The following RHBG variants were observed in gnomAD, a reference collection of about 807,000 sequenced individuals.
The protein encoded by RHBG is Rh family B glycoprotein.
In RHBG, 39 loss-of-function variants were observed where a neutral mutation model predicts 40.1. The observed-to-expected ratio is 0.97, with a 90% CI of 0.75 to 1.27. The LOEUF (loss-of-function observed/expected upper bound fraction) is 1.27, where lower values mean the gene tolerates loss of function less well. Among genes scored for constraint, RHBG ranks in the 50% most tolerant of loss-of-function variants. The pLI is 0.00. For synonymous variants in RHBG, 237 were observed against 252.5 expected (o/e 0.94, Z 0.58); for missense variants, 549 against 588.1 (o/e 0.93, Z 0.69).
intron 1 of RHBG, among the ~76,000 whole-genome samples, chr1:156,376,397 T>C (rs1475698830): frequency 6.7e-6 from 1 of 149,396 alleles, no homozygotes; most frequent in African/African-American, 2.5e-5. Flanking sequence ...AGACTCTTGC[T>C]CTGTCACCCA....
At position 156,377,900 on chromosome 1, in the gene RHBG, C is replaced by CAAAA; in HGVS notation, c.375-89_375-88insAAAA. ...AACTCCAACCCCACCCCACCCACCA[C>CAAAA]ATCATGCTGTCCTGGCTTCATGCCA... On this transcript the variant is annotated intron_variant, in intron 2 of 9. Coordinates refer to ENST00000537040, the MANE Select transcript of RHBG (RefSeq NM_020407.5). The surrounding 1 kb of genome is among the most constrained non-coding windows in gnomAD (Gnocchi z 4.6). 34 of 1,277,052 alleles carry CAAAA rather than the reference C, an allele frequency of 2.7e-5. No individual in the cohort carries two copies. The highest frequency in any genetic ancestry group is 3.1e-5 in the Non-Finnish European group (29 of 928,188). 79.1% of individuals were successfully genotyped at this position (1,277,052 alleles called of 1,614,324 possible). A position where few individuals can be genotyped will look rare whatever the true frequency, so the allele number is the denominator to read the frequency against.
chr1:156,382,013 G>T, intron 6 of RHBG, 55 bp from the exon 7 acceptor site: 1 of 1,609,070 alleles, frequency 6.2e-7, no homozygotes, highest in Non-Finnish European at 8.5e-7. Flanking sequence ...CTCTCCAACA[G>T]GATGAGGTGG....
chr1:156,381,650 TG>T, intron 5 of RHBG, 137 bp downstream of exon 5: 1 of 1,381,166 alleles, frequency 7.2e-7, no homozygotes. Context: ...CTGGTGGCTA[TG>T]GGATCAGAAT....
At chr1:156,378,492 G>A in intron 4 of RHBG, 93 bp downstream of exon 4, 1 of 1,447,342 alleles carries the variant, frequency 6.9e-7, no homozygotes, top group Non-Finnish European at 9.3e-7. Flanking sequence ...GCTGACTGCA[G>A]TCCTGGGGTT....
At position 156,385,214 on chromosome 1, in the gene RHBG, C is replaced by T. The variant is rs1191907582; in HGVS notation, c.*369C>T. Reference sequence around the variant, plus strand: ...GGTTGAGGGTGATAAACGCCACTGTCTCTAAGGGTTCTGACTCTTTGTCTT... The same window carrying T: ...GGTTGAGGGTGATAAACGCCACTGTTTCTAAGGGTTCTGACTCTTTGTCTT... On this transcript the variant is annotated 3_prime_UTR_variant, in exon 10 of 10. Coordinates refer to ENST00000537040, the MANE Select transcript of RHBG (RefSeq NM_020407.5). 2 of 198,558 alleles carry T rather than the reference C, an allele frequency of 1.0e-5. No homozygotes were observed. The highest frequency in any genetic ancestry group is 2.1e-5 in the Non-Finnish European group (2 of 96,632). 12.3% of individuals were successfully genotyped at this position (198,558 alleles called of 1,614,324 possible). A position where few individuals can be genotyped will look rare whatever the true frequency, so the allele number is the denominator to read the frequency against.
chr1:156,378,482 G>A, intron 4 of RHBG, 83 bp downstream of exon 4: 2 of 1,476,608 alleles, frequency 1.4e-6, no homozygotes, highest in East Asian at 2.3e-5. Flanking sequence ...CTCTCGGGGT[G>A]CTGACTGCAG....
In RHBG at chr1:156,382,829, T is replaced by A. The variant is rs1667758640; in HGVS notation, c.1194T>A (p.Phe398Leu). ...SQAMHQLFGLFVTLMFASVGG... is the reference protein window; with the variant it reads ...SQAMHQLFGLLVTLMFASVGG... ...CCATGCACCAGCTCTTCGGGCTGTTTGTCACACTGATGTTTGCCTCTGTGG... is the reference window on the plus strand; with the variant it reads ...CCATGCACCAGCTCTTCGGGCTGTTAGTCACACTGATGTTTGCCTCTGTGG... The change falls in exon 8 of 10, where the codon TTT (phenylalanine) becomes TTA (leucine). Residue 398 changes from phenylalanine (F) to leucine (L), a missense_variant. Phe to Leu is a conservative substitution (Grantham distance 22). Transcript: ENST00000537040. 6.2e-7 allele frequency: 1 copy of A among 1,614,132 alleles called. No individual in the cohort carries two copies. Among genetic ancestry groups the A allele is most frequent in the African/African-American group, 1.3e-5 (1 of 74,952 alleles).
rs963186250 is a variant in RHBG, at chr1:156,382,969, C to T, written c.1234+100C>T. Reference sequence around the variant, plus strand: ...ATATTTATGGAGCATCTACTTTGTGCCATAAAGTAGGGATTGGGTTGTGGG... The same window carrying T: ...ATATTTATGGAGCATCTACTTTGTGTCATAAAGTAGGGATTGGGTTGTGGG... On this transcript the variant is annotated intron_variant, in intron 8 of 9. Coordinates refer to ENST00000537040, the MANE Select transcript of RHBG (RefSeq NM_020407.5). The T allele has an allele frequency of 1.6e-5, 24 of 1,527,916 alleles. No individual in the cohort carries two copies. In the Admixed American group the frequency reaches 1.7e-4, roughly 11 times the overall value. The allele number at this position is 1,527,916 out of a possible 1,614,324, so 94.6% of individuals were successfully genotyped here.
At chr1:156,372,251 G>A (rs1420727927) in intron 1 of RHBG, among the ~76,000 whole-genome samples, 1 of 152,222 alleles carries the variant, frequency 6.6e-6, no homozygotes, top group Non-Finnish European at 1.5e-5. Context: ...GAGTGAGTCA[G>A]AGAGGTCATG....
At chr1:156,372,054 G>T (rs536584613) in intron 1 of RHBG, among the ~76,000 whole-genome samples, 6 of 152,338 alleles carry the variant, frequency 3.9e-5, no homozygotes, top group Non-Finnish European at 7.4e-5. Flanking sequence ...TGTGCCCAAG[G>T]GAAGGGGTCA....
At chr1:156,382,435 AAGGG>A in intron 7 of RHBG, 1 of 637,730 alleles carries the variant, frequency 1.6e-6, no homozygotes, top group Non-Finnish European at 2.7e-6. Flanking sequence ...CTTGTTACTG[AAGGG>A]TCAGTAAGAG....
chr1:156,378,426 G>A, intron 4 of RHBG, 27 bp downstream of exon 4: 2 of 1,566,234 alleles, frequency 1.3e-6, no homozygotes, highest in Non-Finnish European at 1.7e-6. Context: ...GCGGTAGCAG[G>A]GCAGGGGGCT....
intron 7 of RHBG, chr1:156,382,462 A>G: frequency 1.6e-6 from 1 of 627,844 alleles, no homozygotes; most frequent in Non-Finnish European, 2.8e-6. Context: ...AATGACCTTT[A>G]GGATCTATTT....
chr1:156,380,112 CTT>C (rs67037881), intron 4 of RHBG, among the ~76,000 whole-genome samples: 9 of 130,078 alleles, frequency 6.9e-5, no homozygotes, highest in East Asian at 2.2e-4. Context: ...CTTTCTTTTT[CTT>C]TTTTTTTTTT....
At chr1:156,372,131 T>C (rs372666751) in intron 1 of RHBG, among the ~76,000 whole-genome samples, 53 of 152,318 alleles carry the variant, frequency 3.5e-4, no homozygotes, top group African/African-American at 1.2e-3. Flanking sequence ...GTGACTGTTG[T>C]TGAGCTCCAG....
Position 156,384,860 on chromosome 1 carries a change from C to T in RHBG, c.*15C>T, listed in dbSNP as rs1210721864. 1 of 1,550,928 alleles carries T rather than the reference C, an allele frequency of 6.4e-7. No individual in the cohort carries two copies. The highest frequency in any genetic ancestry group is 2.3e-5 in the East Asian group (1 of 44,170). ...CTCAGGCCTAACCCACTGCCAGCCC[C>T]TGAGAGGACACGCTCCTTTTCGAAG... On this transcript the variant is annotated 3_prime_UTR_variant, in exon 10 of 10. Transcript: ENST00000537040.
Position 156,369,356 on chromosome 1 carries a change from A to G in RHBG, c.107A>G (p.Tyr36Cys), listed in dbSNP as rs202003473. The G allele has an allele frequency of 7.9e-4, 1,280 of 1,614,090 alleles. 2 individuals are homozygous for G. The highest frequency in any genetic ancestry group is 2.0e-3 in the Middle Eastern group (12 of 6,084). Residue 36 changes from tyrosine (Y) to cysteine (C), a missense_variant, in exon 1 of 10, where the codon TAC becomes TGC. Tyr to Cys is a radical substitution (Grantham distance 194, BLOSUM62 -2). Transcript: ENST00000537040. ...GTCCTCTTTGCTGTCTTTGTCCGCT[A>G]CAACCACAAAACCGACGCTGCCCTC... ...TAVLFAVFVR[Y>C]NHKTDAALWH...
At position 156,377,058 on chromosome 1, in the gene RHBG, G is replaced by T. The variant is rs1667251606; in HGVS notation, c.188-243G>T. On this transcript the variant is annotated intron_variant, in intron 1 of 9. Transcript: ENST00000537040. This position sits in a 1 kb window ranked among gnomAD's most constrained non-coding sequence, Gnocchi z 4.6. ...ATGGGGCAAATGAATAGAGCAGAAG[G>T]CTTTACTCCCTTGCTCTGACACGAG... Among the ~76,000 whole-genome samples the T allele has an allele frequency of 6.6e-6, 1 of 152,194 alleles. No individual in the cohort carries two copies. The highest frequency in any genetic ancestry group is 1.5e-5 in the Non-Finnish European group (1 of 68,020).
In RHBG at chr1:156,377,551, C is replaced by G. The variant is rs530952982; in HGVS notation, c.374+64C>G. 6.6e-7 allele frequency: 1 copy of G among 1,515,408 alleles called. No homozygotes were observed. The highest frequency in any genetic ancestry group is 9.0e-7 in the Non-Finnish European group (1 of 1,112,138). 93.9% of individuals were successfully genotyped at this position (1,515,408 alleles called of 1,614,324 possible). A position where few individuals can be genotyped will look rare whatever the true frequency, so the allele number is the denominator to read the frequency against. Reference sequence around the variant, plus strand: ...TCGGGAGGCCCCTGCCCATGGGCCCCGGATCTAGCCCTGTCCTTCAAGTCT... The same window carrying G: ...TCGGGAGGCCCCTGCCCATGGGCCCGGGATCTAGCCCTGTCCTTCAAGTCT... On this transcript the variant is annotated intron_variant, in intron 2 of 9. Transcript: ENST00000537040. The surrounding 1 kb of genome is among the most constrained non-coding windows in gnomAD (Gnocchi z 4.6).
Sources: gnomAD v4.1 joint callset for allele counts (sites outside exome capture counted in the v4.1 genomes callset) on GRCh38, gnomAD v4.1.1 for gene constraint, Gnocchi (gnomAD v3.1) non-coding constraint, MANE v1.5 for transcripts, NCBI Gene and HGNC (gene_info 2026-07-23, HGNC 2026-07-21) for gene names.